ADAMTS6: variants seen among roughly 807,000 people sequenced by gnomAD.
ADAMTS6 encodes ADAM metallopeptidase with thrombospondin type 1 motif 6, also known as A disintegrin and metalloproteinase with thrombospondin motifs 6.
In ADAMTS6, 23 loss-of-function variants were observed where a neutral mutation model predicts 144.3. That is an observed-to-expected ratio of 0.16 (90% CI 0.11 to 0.23). ADAMTS6 has a LOEUF of 0.23. Among genes scored for constraint, ADAMTS6 ranks in the 10% least tolerant of loss-of-function variants. The pLI is 1.00. For synonymous variants in ADAMTS6, 444 were observed against 457.5 expected (o/e 0.97, Z 0.38); for missense variants, 999 against 1,379.6 (o/e 0.72, Z 4.37).
At chr5:65,364,821 C>T (rs1036483307) in intron 7 of ADAMTS6, among the ~76,000 whole-genome samples, 2 of 152,070 alleles carry the variant, frequency 1.3e-5, no homozygotes, top group African/African-American at 4.8e-5. Flanking sequence ...CCGCCTCAGC[C>T]TCCCAAAGTG....
At chr5:65,408,069 G>A (rs1034697699) in intron 7 of ADAMTS6, among the ~76,000 whole-genome samples, 2 of 152,120 alleles carry the variant, frequency 1.3e-5, no homozygotes, top group Non-Finnish European at 2.9e-5. Context: ...GACCATCGAT[G>A]CTAGGAAGAA....
At chr5:65,339,660 T>TA (rs1747635430) in intron 7 of ADAMTS6, among the ~76,000 whole-genome samples, 1 of 150,678 alleles carries the variant, frequency 6.6e-6, no homozygotes, top group Admixed American at 6.6e-5. Context: ...AAATATGAAA[T>TA]AAAAAATAGA....
At chr5:65,247,530 T>C (rs1242635236) in intron 14 of ADAMTS6, among the ~76,000 whole-genome samples, 3 of 152,114 alleles carry the variant, frequency 2.0e-5, no homozygotes, top group Non-Finnish European at 2.9e-5. Flanking sequence ...TTGCAAAATA[T>C]ACCCCCAAAA....
intron 2 of ADAMTS6, among the ~76,000 whole-genome samples, chr5:65,473,222 T>G (rs533474489): frequency 1.3e-5 from 2 of 152,242 alleles, no homozygotes; most frequent in African/African-American, 4.8e-5. Flanking sequence ...ATCTGGTTTC[T>G]TCTTCCACAG....
At chr5:65,359,731 A>G (rs529034700) in intron 7 of ADAMTS6, among the ~76,000 whole-genome samples, 1 of 152,278 alleles carries the variant, frequency 6.6e-6, no homozygotes, top group African/African-American at 2.4e-5. Context: ...ATGAAGCTGG[A>G]GGGCATTATA....
At chr5:65,260,693 T>A in intron 13 of ADAMTS6, 30 bp from the exon 14 acceptor site, 1 of 1,546,016 alleles carries the variant, frequency 6.5e-7, no homozygotes, top group Non-Finnish European at 8.9e-7. Context: ...AAAATGTGAA[T>A]ACTAATACAT....
intron 21 of ADAMTS6, among the ~76,000 whole-genome samples, chr5:65,196,671 A>C (rs551982592): frequency 6.6e-6 from 1 of 152,094 alleles, no homozygotes; most frequent in East Asian, 1.9e-4. Flanking sequence ...GAAAAATGTC[A>C]ATTATTATAG....
At chr5:65,383,667 C>G (rs971656110) in intron 7 of ADAMTS6, among the ~76,000 whole-genome samples, 1 of 152,152 alleles carries the variant, frequency 6.6e-6, no homozygotes, top group African/African-American at 2.4e-5. Flanking sequence ...TGGAAATGCA[C>G]TTTGATTCCT....
intron 24 of ADAMTS6, among the ~76,000 whole-genome samples, chr5:65,163,958 CG>C (rs1280286660): frequency 4.0e-5 from 6 of 151,718 alleles, no homozygotes; most frequent in African/African-American, 1.2e-4. Flanking sequence ...CGATTGTGGC[CG>C]GGGGGTGGGG....
intron 10 of ADAMTS6, among the ~76,000 whole-genome samples, chr5:65,299,589 G>A (rs187941245): frequency 2.7e-3 from 415 of 151,810 alleles, no homozygotes; most frequent in Non-Finnish European, 4.5e-3. Context: ...TGTTGTTGTT[G>A]TTTGTTACTA....
chr5:65,174,507 G>A (rs1323432969), intron 22 of ADAMTS6, among the ~76,000 whole-genome samples: 3 of 152,182 alleles, frequency 2.0e-5, no homozygotes, highest in Admixed American at 6.5e-5. Flanking sequence ...GACGATCAAC[G>A]CAGTGGCTGA....
At chr5:65,253,156 G>A (rs994322149) in intron 14 of ADAMTS6, among the ~76,000 whole-genome samples, 1 of 152,146 alleles carries the variant, frequency 6.6e-6, no homozygotes, top group Admixed American at 6.6e-5. Context: ...CCAAAGTGCT[G>A]GGATTGATTA....
intron 11 of ADAMTS6, among the ~76,000 whole-genome samples, chr5:65,287,711 G>A (rs1741815379): frequency 6.6e-6 from 1 of 152,016 alleles, no homozygotes; most frequent in Non-Finnish European, 1.5e-5. Flanking sequence ...TGTATTTTCA[G>A]TAGAGACAGG....
At position 65,470,929 on chromosome 5, in the gene ADAMTS6, G is replaced by A. The variant is rs1274516723; in HGVS notation, c.311C>T (p.Thr104Ile). The change falls in exon 3 of 25, where the codon ACA becomes ATA. Residue 104 changes from threonine to isoleucine, a missense_variant. Thr to Ile is a moderately conservative substitution (Grantham distance 89, BLOSUM62 -1). Transcript: ENST00000381055. ...KHFHLNLTLN[T>I]DFVSKHFTVE... is the part of the protein sequence containing the mutation. ...TGTAAAATGTTTGGACACAAAATCTGTGTTGAGAGTCAAGTTTAGATGAAA... is the reference window on the plus strand; with the variant it reads ...TGTAAAATGTTTGGACACAAAATCTATGTTGAGAGTCAAGTTTAGATGAAA... The A allele has an allele frequency of 2.5e-6, 4 of 1,612,850 alleles. No individual in the cohort carries two copies. Among genetic ancestry groups the A allele is most frequent in the Non-Finnish European group, 3.4e-6 (4 of 1,179,614 alleles).
At chr5:65,278,721 A>G (rs1429486606) in intron 11 of ADAMTS6, among the ~76,000 whole-genome samples, 1 of 152,138 alleles carries the variant, frequency 6.6e-6, no homozygotes, top group Admixed American at 6.6e-5. Flanking sequence ...TCTTTTTGAC[A>G]TACATCCATT....
In ADAMTS6 at chr5:65,325,492, CTTTTTT is replaced by C. The variant is rs1260973906; in HGVS notation, c.1223+3880_1223+3885del. ...TATATCCCTATAGCTTTCAATATAG[CTTTTTT>C]TTTTTTTTTTAGACAGGGTCTTGGC... On this transcript the variant is annotated intron_variant, in intron 9 of 24. Coordinates refer to ENST00000381055, the MANE Select transcript of ADAMTS6 (RefSeq NM_197941.4). Among the ~76,000 whole-genome samples the C allele has an allele frequency of 3.5e-5, 5 of 141,812 alleles. No individual in the cohort carries two copies. In the Admixed American group the frequency reaches 3.6e-4, roughly 10 times the overall value. 93.0% of individuals were successfully genotyped at this position (141,812 alleles called of 152,430 possible).
At chr5:65,258,484 G>A (rs1245198929) in intron 14 of ADAMTS6, among the ~76,000 whole-genome samples, 1 of 152,194 alleles carries the variant, frequency 6.6e-6, no homozygotes, top group Non-Finnish European at 1.5e-5. Context: ...TAAGTAAAAT[G>A]GGGAGCCATT....
chr5:65,293,555 C>T (rs887470685), intron 10 of ADAMTS6, among the ~76,000 whole-genome samples: 2 of 147,998 alleles, frequency 1.4e-5, no homozygotes, highest in African/African-American at 5.0e-5. Context: ...GAATAGATAT[C>T]CTGAGGAAAA....
chr5:65,208,377 T>C (rs1020304471), intron 20 of ADAMTS6, among the ~76,000 whole-genome samples: 2 of 152,154 alleles, frequency 1.3e-5, no homozygotes, highest in Non-Finnish European at 2.9e-5. Flanking sequence ...TGTTTAAAGT[T>C]CTCCTTGGGT....
Sources: gnomAD v4.1 joint callset for allele counts (sites outside exome capture counted in the v4.1 genomes callset) on GRCh38, gnomAD v4.1.1 for gene constraint, MANE v1.5 for transcripts, NCBI Gene and HGNC (gene_info 2026-07-23, HGNC 2026-07-21) for gene names.